CD2: variants seen among roughly 807,000 people sequenced by gnomAD.
The protein encoded by CD2 is T-cell surface antigen CD2.
Under a neutral mutation model 23.2 loss-of-function variants are expected in CD2, and 18 were observed. The observed-to-expected ratio is 0.77, with a 90% CI of 0.54 to 1.15. The LOEUF (loss-of-function observed/expected upper bound fraction) is 1.15. Ranked by LOEUF, CD2 falls within the 50% of genes most tolerant of loss-of-function variation. The pLI is 0.00. For missense variants in CD2, 424 were observed against 423.1 expected (o/e 1.00, Z -0.02); for synonymous variants, 162 against 151.9 (o/e 1.07, Z -0.49).
intron 2 of CD2, among the ~76,000 whole-genome samples, chr1:116,758,481 A>G (rs917460074): frequency 1.3e-5 from 2 of 152,090 alleles, no homozygotes; most frequent in African/African-American, 4.8e-5. Flanking sequence ...CCACTCCAGC[A>G]ATCCCAGACA....
intron 3 of CD2, among the ~76,000 whole-genome samples, chr1:116,763,420 C>T (rs572068626): frequency 3.5e-4 from 54 of 152,190 alleles, no homozygotes; most frequent in Admixed American, 2.2e-3. Context: ...TTCAGATGAC[C>T]CCGTCCCCTG....
chr1:116,763,334 T>C (rs1008293556), intron 3 of CD2, among the ~76,000 whole-genome samples: 6 of 152,348 alleles, frequency 3.9e-5, no homozygotes, highest in African/African-American at 1.4e-4. Context: ...GCTTCATGTA[T>C]AACAGTGTCT....
chr1:116,755,492 T>C (rs1651812068), intron 2 of CD2, among the ~76,000 whole-genome samples: 1 of 152,190 alleles, frequency 6.6e-6, no homozygotes, highest in Admixed American at 6.5e-5. Context: ...TGATTTTTGC[T>C]GATATGTGTA....
rs757379560 is a variant in CD2, at chr1:116,766,582, G to T, written c.737-1882G>T. Among the ~76,000 whole-genome samples, 6 of 152,140 alleles carry T rather than the reference G, an allele frequency of 3.9e-5. No individual in the cohort carries two copies. In the South Asian group the frequency reaches 6.2e-4, roughly 16 times the overall value. On this transcript the variant is annotated intron_variant, in intron 4 of 4. Transcript: ENST00000369478. ...GAACCAAATGGTGTATGGGCCAAGT[G>T]TGGTGGCTCATATCTGTAATCTCAG... is the stretch of plus-strand genomic sequence containing the variant.
intron 2 of CD2, among the ~76,000 whole-genome samples, chr1:116,756,306 G>A (rs540030735): frequency 1.4e-4 from 22 of 152,288 alleles, no homozygotes; most frequent in South Asian, 8.3e-4. Context: ...TGAGCCCTAC[G>A]CGGGGGACCA....
In CD2 at chr1:116,760,253, A is replaced by G. The variant is rs539458641; in HGVS notation, c.383-149A>G. The G allele has an allele frequency of 4.8e-6, 3 of 629,080 alleles. No homozygotes were observed. The East Asian group carries it at 8.3e-5, about 17-fold the overall frequency. 39.0% of individuals were successfully genotyped at this position (629,080 alleles called of 1,614,324 possible). ...TTTCTGAATGCTCTTTGTAAATAAA[A>G]TAAAATAAAATAATTTCCAAAAGTT... is the stretch of plus-strand genomic sequence containing the variant. On this transcript the variant is annotated intron_variant, in intron 2 of 4. Coordinates refer to ENST00000369478, the MANE Select transcript of CD2 (RefSeq NM_001767.5).
At chr1:116,764,709 G>A (rs778926350) in intron 4 of CD2, 103 bp downstream of exon 4, 5 of 867,424 alleles carry the variant, frequency 5.8e-6, no homozygotes, top group Non-Finnish European at 9.5e-6. Flanking sequence ...GATGGAAATA[G>A]GTAGTTTCGG....
chr1:116,755,815 A>G (rs1651826435), intron 2 of CD2, among the ~76,000 whole-genome samples: 1 of 152,158 alleles, frequency 6.6e-6, no homozygotes, highest in Non-Finnish European at 1.5e-5. Context: ...GAGAGAAGGT[A>G]GAGAAAGTGG....
chr1:116,766,204 G>A (rs966453987), intron 4 of CD2, among the ~76,000 whole-genome samples: 1 of 152,228 alleles, frequency 6.6e-6, no homozygotes, highest in Non-Finnish European at 1.5e-5. Context: ...TGAGCCTGGA[G>A]GAATTCCTGG....
At chr1:116,761,937 C>A (rs2101163691) in intron 3 of CD2, among the ~76,000 whole-genome samples, 1 of 152,248 alleles carries the variant, frequency 6.6e-6, no homozygotes, top group Non-Finnish European at 1.5e-5. Context: ...CTCAAGCAAT[C>A]CTCCCACCTC....
At chr1:116,760,764 T>G in intron 3 of CD2, 132 bp downstream of exon 3, 63 of 688,660 alleles carry the variant, frequency 9.1e-5, no homozygotes, top group Non-Finnish European at 1.1e-4. Context: ...AGCATATCTC[T>G]TCCTCCTGGA....
intron 3 of CD2, among the ~76,000 whole-genome samples, chr1:116,761,849 G>A (rs1325436961): frequency 6.6e-6 from 1 of 152,098 alleles, no homozygotes; most frequent in Non-Finnish European, 1.5e-5. Flanking sequence ...AACTTTTTTT[G>A]AGACAGGGTT....
At chr1:116,759,371 T>C (rs1173439713) in intron 2 of CD2, among the ~76,000 whole-genome samples, 2 of 148,188 alleles carry the variant, frequency 1.3e-5, no homozygotes, top group African/African-American at 5.0e-5. Context: ...ATATTATGAA[T>C]GGAGAGAAAC....
At chr1:116,763,107 C>A (rs1652108531) in intron 3 of CD2, among the ~76,000 whole-genome samples, 1 of 152,238 alleles carries the variant, frequency 6.6e-6, no homozygotes, top group Non-Finnish European at 1.5e-5. Context: ...GCCCTGAATC[C>A]TTTACTGACC....
chr1:116,764,765 G>A, intron 4 of CD2, 159 bp downstream of exon 4: 1 of 629,648 alleles, frequency 1.6e-6, no homozygotes, highest in Non-Finnish European at 2.8e-6. Flanking sequence ...TCATTTTGTG[G>A]TTAGCTTGAT....
chr1:116,765,862 T>TA (rs1011102130), intron 4 of CD2, among the ~76,000 whole-genome samples: 4 of 152,352 alleles, frequency 2.6e-5, no homozygotes, highest in Admixed American at 6.5e-5. Flanking sequence ...CTCATGCTGA[T>TA]AAAAAAGTCG....
At chr1:116,757,239 C>T (rs561294039) in intron 2 of CD2, among the ~76,000 whole-genome samples, 1 of 152,206 alleles carries the variant, frequency 6.6e-6, no homozygotes, top group East Asian at 1.9e-4. Flanking sequence ...TCAGGGGATC[C>T]GCCTGCATCG....
chr1:116,764,366 G>A, intron 3 of CD2, 118 bp from the exon 4 acceptor site: 14 of 1,459,246 alleles, frequency 9.6e-6, no homozygotes, highest in Non-Finnish European at 1.2e-5. Context: ...GAGTTATGGG[G>A]TGAAAGGTCC....
In CD2 at chr1:116,760,789, G is replaced by A. The variant is rs114508201; in HGVS notation, c.613+157G>A. Among the ~76,000 whole-genome samples the A allele has an allele frequency of 3.0e-3, 459 of 152,364 alleles. 1 individual carries two copies. The highest frequency in any genetic ancestry group is 5.6e-3 in the Non-Finnish European group (384 of 68,046). On this transcript the variant is annotated intron_variant, in intron 3 of 4. Transcript: ENST00000369478. ...TTCCTCCTGGAAACCTTCAAGGGAA[G>A]CATCAGGGGAGGTGGTGTTCTATGG...
Sources: allele counts gnomAD v4.1 joint callset (sites outside exome capture counted in the v4.1 genomes callset), GRCh38; gene constraint gnomAD v4.1.1; transcripts MANE v1.5; gene names NCBI Gene and HGNC (gene_info 2026-07-23, HGNC 2026-07-21).